Variants in HOXA3 observed in about 807,000 individuals in gnomAD.
HOXA3 encodes homeobox A3, also known as homeobox protein Hox-A3.
HOXA3 carries 8 observed loss-of-function variants against 30.3 expected under a neutral mutation model. The ratio of observed to expected loss-of-function variants is 0.26; its 90% CI spans 0.15 to 0.48. The LOEUF (loss-of-function observed/expected upper bound fraction) is 0.48. HOXA3 is among the 20% of genes least tolerant of loss of function. The probability of loss-of-function intolerance (pLI) is 0.99; values close to 1 mark genes in which losing one functional copy is unlikely to be tolerated. For synonymous variants in HOXA3, 323 were observed against 273.1 expected, an observed-to-expected ratio of 1.18 and a Z score of -1.80; for missense variants, 653 against 614.4, an observed-to-expected ratio of 1.06 and a Z score of -0.66.
intron 2 of HOXA3, chr7:27,129,676 A>G (rs1562722267): frequency 8.2e-7 from 1 of 1,212,412 alleles, no homozygotes; most frequent in African/African-American, 1.5e-5. Flanking sequence ...ATTGGACATC[A>G]TCATTATATA....
chr7:27,143,017 G>A, intron 1 of HOXA3: 1 of 1,492,742 alleles, frequency 6.7e-7, no homozygotes, highest in South Asian at 1.4e-5. Flanking sequence ...CCCCGCGGTC[G>A]CGTGGATTTA....
chr7:27,147,165 C>G (rs1562732153), intron 1 of HOXA3: 24 of 864,370 alleles, frequency 2.8e-5, no homozygotes, highest in African/African-American at 1.7e-5. Context: ...ATTTTTTCTT[C>G]TCTTTTAAGA....
rs1181118542 is a variant in HOXA3 at position 27,108,045 on chromosome 7, G to C, written c.1202C>G (p.Ala401Gly). Residue 401 changes from alanine to glycine, a missense_variant, in exon 6 of 6, where the codon GCC (alanine) becomes GGC (glycine). By Grantham distance (60) the Ala-to-Gly change is moderately conservative. Transcript: ENST00000612286. The surrounding 1 kb of genome is among the most constrained non-coding windows in gnomAD (Gnocchi z 5.0). ...GTGGTGGCCGCTGCCCAGCGGCCCG[G>C]CACCCCCATAGTCCATGGCGCCCGA... ...AASGAMDYGG[A>G]GPLGSGHHHG... 1.2e-6 allele frequency: 2 copies of C among 1,612,916 alleles called. No homozygotes were observed. The highest frequency in any genetic ancestry group is 1.7e-6 in the Non-Finnish European group (2 of 1,179,352).
chr7:27,137,452 C>A (rs1562725808), intron 2 of HOXA3, among the ~76,000 whole-genome samples: 1 of 152,210 alleles, frequency 6.6e-6, no homozygotes, highest in East Asian at 1.9e-4. Flanking sequence ...CTGCCACCGG[C>A]TGAGGCTGGA....
chr7:27,110,273 G>A lies in HOXA3; in HGVS notation c.368C>T (p.Ser123Phe). The A allele has an allele frequency of 1.2e-6, 2 of 1,611,488 alleles. No homozygotes were observed. The highest frequency in any genetic ancestry group is 1.7e-6 in the Non-Finnish European group (2 of 1,178,836). ...GGCATTCTGAGGAGGGGAGGCAGAAGAGGGAGGCGGGGGCGCGGCAGGGGT... is the reference window on the plus strand; with the variant it reads ...GGCATTCTGAGGAGGGGAGGCAGAAAAGGGAGGCGGGGGCGCGGCAGGGGT... ...APTPAAPPPP[S>F]SASPPQNASN... is the part of the protein sequence containing the mutation. The change falls in exon 5 of 6, where the codon TCT becomes TTT. Residue 123 changes from serine (S) to phenylalanine (F), a missense_variant. Around this residue, in one of 3 missense-constraint regions of HOXA3, gnomAD observed 320 missense variants for 321.9 expected, o/e 0.99. Transcript: ENST00000612286.
chr7:27,110,799 G>C (rs946190639), intron 4 of HOXA3, 39 bp from the exon 5 acceptor site: 21 of 1,057,284 alleles, frequency 2.0e-5, no homozygotes, highest in Non-Finnish European at 2.7e-5. Context: ...AGGGCTCCGC[G>C]CAAATCCATC....
intron 2 of HOXA3, among the ~76,000 whole-genome samples, chr7:27,135,102 G>T (rs979875475): frequency 6.6e-6 from 1 of 151,590 alleles, no homozygotes; most frequent in African/African-American, 2.4e-5. Context: ...CATGGTTCTA[G>T]TCGGCTTCCT....
At chr7:27,139,381 C>T (rs1460842700) in intron 2 of HOXA3, among the ~76,000 whole-genome samples, 1 of 152,170 alleles carries the variant, frequency 6.6e-6, no homozygotes, top group Non-Finnish European at 1.5e-5. Context: ...GTCCAGTGGG[C>T]GCTAGCAGCC....
At chr7:27,129,247 G>A in intron 2 of HOXA3, 1 of 1,581,870 alleles carries the variant, frequency 6.3e-7, no homozygotes, top group South Asian at 1.1e-5. Context: ...GGGAACGGGT[G>A]TGGAGGTGCT....
chr7:27,143,218 G>C, intron 1 of HOXA3: 1 of 1,610,320 alleles, frequency 6.2e-7, no homozygotes, highest in Non-Finnish European at 8.5e-7. Context: ...TGCCGGCGTC[G>C]GCCGAGGCGC....
intron 1 of HOXA3, chr7:27,147,623 C>A (rs764200063): frequency 3.7e-6 from 6 of 1,614,100 alleles, no homozygotes; most frequent in Non-Finnish European, 5.1e-6. Flanking sequence ...CTCGACGCCC[C>A]GTACGAGGCC....
chr7:27,128,991 G>A (rs986658211), intron 2 of HOXA3: 30 of 580,628 alleles, frequency 5.2e-5, no homozygotes, highest in Non-Finnish European at 7.7e-5. Context: ...GCCTTGTTTC[G>A]GGCCAGCAGG....
chr7:27,152,238 C>T, intron 1 of HOXA3, 50 bp downstream of exon 1: 5 of 1,201,414 alleles, frequency 4.2e-6, no homozygotes, highest in Non-Finnish European at 5.4e-6. Flanking sequence ...CTACCGCCGC[C>T]GGCTGTCGCC....
At chr7:27,132,065 T>TG (rs1305141912) in intron 2 of HOXA3, among the ~76,000 whole-genome samples, 4 of 152,260 alleles carry the variant, frequency 2.6e-5, no homozygotes, top group Admixed American at 1.3e-4. Context: ...TAAATACTGA[T>TG]GCCTTATTTG....
intron 1 of HOXA3, among the ~76,000 whole-genome samples, 158 bp downstream of exon 1, chr7:27,152,129 GT>G (rs2128065060): frequency 6.6e-6 from 1 of 152,276 alleles, no homozygotes; most frequent in East Asian, 1.9e-4. Context: ...TGTGACGTGT[GT>G]GGGCTGTAGT....
chr7:27,110,491 G>A lies in HOXA3; in HGVS notation c.150C>T (p.Cys50=). The change falls in exon 5 of 6, where the codon TGC becomes TGT. Residue 50 remains cysteine (C), a synonymous_variant. Coordinates refer to ENST00000612286, the MANE Select transcript of HOXA3 (RefSeq NM_153631.3). ...GADGEYHRPA[C]SLQSPSSAGG... Reference sequence around the variant, plus strand: ...CGGCGCTGGAGGGAGACTGGAGGGAGCAGGCGGGTCGGTGGTACTCGCCGT... The same window carrying A: ...CGGCGCTGGAGGGAGACTGGAGGGAACAGGCGGGTCGGTGGTACTCGCCGT... 1.2e-6 allele frequency: 2 copies of A among 1,604,198 alleles called. No homozygotes were observed. Among genetic ancestry groups the A allele is most frequent in the South Asian group, 1.1e-5 (1 of 90,658 alleles).
chr7:27,138,636 G>C (rs1350133698), intron 2 of HOXA3, among the ~76,000 whole-genome samples: 3 of 152,196 alleles, frequency 2.0e-5, no homozygotes, highest in Non-Finnish European at 4.4e-5. Context: ...CCAGTCACTG[G>C]GCTTGGGTTT....
At chr7:27,118,821 TC>T (rs1172322922) in intron 4 of HOXA3, among the ~76,000 whole-genome samples, 1 of 152,206 alleles carries the variant, frequency 6.6e-6, no homozygotes, top group East Asian at 1.9e-4. Context: ...GCGGACTTCC[TC>T]ACAGCCTGCC....
At chr7:27,109,362 C>T (rs1784231063) in intron 5 of HOXA3, among the ~76,000 whole-genome samples, 1 of 152,338 alleles carries the variant, frequency 6.6e-6, no homozygotes, top group African/African-American at 2.4e-5. Flanking sequence ...GTCCACTAAT[C>T]TTGTACCCTT....
Sources: allele counts gnomAD v4.1 joint callset (sites outside exome capture counted in the v4.1 genomes callset), GRCh38; gene constraint gnomAD v4.1.1; regional missense constraint gnomAD v4.1.1; non-coding constraint Gnocchi (gnomAD v3.1); transcripts MANE v1.5; gene names NCBI Gene and HGNC (gene_info 2026-07-23, HGNC 2026-07-21).